ALAD: variants seen among roughly 807,000 people sequenced by gnomAD.
The protein encoded by ALAD is aminolevulinate dehydratase.
In ALAD, 20 loss-of-function variants were observed where a neutral mutation model predicts 44.4. The observed-to-expected ratio is 0.45, with a 90% CI of 0.32 to 0.65. ALAD has a LOEUF of 0.65. Among genes scored for constraint, ALAD ranks in the 30% least tolerant of loss-of-function variants. ALAD has a pLI of 0.05. For missense variants in ALAD, 323 were observed against 445.7 expected, an observed-to-expected ratio of 0.72 and a Z score of 2.48; for synonymous variants, 156 against 167.9, an observed-to-expected ratio of 0.93 and a Z score of 0.55.
At chr9:113,400,682 C>T (rs1217831829) in intron 1 of ALAD, among the ~76,000 whole-genome samples, 4 of 152,036 alleles carry the variant, frequency 2.6e-5, no homozygotes, top group Admixed American at 1.3e-4. Flanking sequence ...AATTAGCAGG[C>T]GTGGTGGCAC....
In ALAD at chr9:113,391,623, C is replaced by T. The variant is rs1412547508; in HGVS notation, c.165G>A (p.Arg55=). The change falls in exon 4 of 12, where the codon AGG becomes AGA. Residue 55 remains arginine (R), a splice_region_variant and synonymous_variant. Coordinates refer to ENST00000409155, the MANE Select transcript of ALAD (RefSeq NM_000031.6). ...TCTCTTCCAGCCGCTTCACACCATA[C>T]CTGTGTGGGTGTGGGTAGAGGGGTT... ...QPITSLPGVA[R]YGVKRLEEML... 1 of 1,610,284 alleles carries T rather than the reference C, an allele frequency of 6.2e-7. No homozygotes were observed. The highest frequency in any genetic ancestry group is 1.3e-5 in the African/African-American group (1 of 75,008).
chr9:113,393,731 T>C (rs1827659448), intron 1 of ALAD, 97 bp from the exon 2 acceptor site: 3 of 610,986 alleles, frequency 4.9e-6, no homozygotes, highest in Non-Finnish European at 8.9e-6. Context: ...GCCTCCCCTC[T>C]CTCTAGCCCA....
intron 3 of ALAD, 139 bp from the exon 4 acceptor site, chr9:113,391,762 G>A: frequency 1.4e-6 from 1 of 733,438 alleles, no homozygotes; most frequent in Non-Finnish European, 2.4e-6. Context: ...GGACAGAAGG[G>A]GCAGGGATGC....
At chr9:113,394,312 AG>A (rs1827671485) in intron 1 of ALAD, among the ~76,000 whole-genome samples, 1 of 149,012 alleles carries the variant, frequency 6.7e-6, no homozygotes, top group Non-Finnish European at 1.5e-5. Flanking sequence ...CTGAGGTGGC[AG>A]GATGGCTTGA....
Position 113,396,642 on chromosome 9 carries a change from G to A in ALAD, c.-75-3008C>T, listed in dbSNP as rs1702683834. The A allele has an allele frequency of 2.6e-5, 4 of 152,986 alleles. No homozygotes were observed. In the Admixed American group the frequency reaches 2.6e-4, roughly 10 times the overall value. 9.5% of individuals were successfully genotyped at this position (152,986 alleles called of 1,614,324 possible). ...AGTGGGTAGGGTTAGTGGCCTGGTT[G>A]ACACCTGGCTTTGGGAAGATCAATC... On this transcript the variant is annotated intron_variant, in intron 1 of 11. Coordinates refer to ENST00000409155, the MANE Select transcript of ALAD (RefSeq NM_000031.6).
At chr9:113,400,747 G>GATTCTC (rs1189216135) in intron 1 of ALAD, among the ~76,000 whole-genome samples, 1 of 152,158 alleles carries the variant, frequency 6.6e-6, no homozygotes, top group Non-Finnish European at 1.5e-5. Context: ...GCTTGAACCC[G>GATTCTC]GGAGGCGGAG....
At position 113,388,282 on chromosome 9, in the gene ALAD, G is replaced by A; in HGVS notation, c.*18C>T. The A allele has an allele frequency of 1.2e-6, 2 of 1,613,872 alleles. No homozygotes were observed. The highest frequency in any genetic ancestry group is 1.7e-6 in the Non-Finnish European group (2 of 1,179,832). On this transcript the variant is annotated 3_prime_UTR_variant, in exon 12 of 12. Transcript: ENST00000409155. ...GAACGTTTTAAAGTTCTAGTTCTTG[G>A]GCCTGGCACTGTCTCCATCATTCCT... is the stretch of plus-strand genomic sequence containing the variant.
At chr9:113,388,903 C>T (rs758754277) in intron 11 of ALAD, 74 bp downstream of exon 11, 116 of 1,608,246 alleles carry the variant, frequency 7.2e-5, no homozygotes, top group East Asian at 5.6e-4. Flanking sequence ...CTCAGGACGT[C>T]GTTCCCCAAT....
At chr9:113,390,321 A>C (rs906104516) in intron 7 of ALAD, 84 bp downstream of exon 7, 3 of 1,417,876 alleles carry the variant, frequency 2.1e-6, no homozygotes, top group Non-Finnish European at 3.0e-6. Flanking sequence ...CACGCCCGGC[A>C]GTTCTGTGAT....
chr9:113,400,864 C>A (rs1827835252), intron 1 of ALAD, among the ~76,000 whole-genome samples: 1 of 152,160 alleles, frequency 6.6e-6, no homozygotes, highest in African/African-American at 2.4e-5. Context: ...GGTCAATGCA[C>A]GCAACGCTTA....
intron 2 of ALAD, among the ~76,000 whole-genome samples, chr9:113,392,873 AGTG>A (rs1277101149): frequency 6.9e-6 from 1 of 145,710 alleles, no homozygotes; most frequent in Admixed American, 7.1e-5. Context: ...GCTGGAGTGA[AGTG>A]GTGCAATCTC....
chr9:113,395,018 T>A (rs939011437), intron 1 of ALAD, among the ~76,000 whole-genome samples: 2 of 150,878 alleles, frequency 1.3e-5, no homozygotes, highest in Non-Finnish European at 3.0e-5. Context: ...TAGCGCCACT[T>A]CACTCCAGCC....
rs890793250 is a variant in ALAD at position 113,387,350 on chromosome 9, C to T, written c.*950G>A. ...AAAGAGGTCAGGTCCTGGTGACCTC[C>T]TTCAGAGCACCTGTCACCACATCAC... is the stretch of plus-strand genomic sequence containing the variant. On this transcript the variant is annotated 3_prime_UTR_variant, in exon 12 of 12. Coordinates refer to ENST00000409155, the MANE Select transcript of ALAD (RefSeq NM_000031.6). 3 of 152,268 alleles carry T rather than the reference C, an allele frequency of 2.0e-5. No individual in the cohort carries two copies. In the South Asian group the frequency reaches 6.2e-4, roughly 31 times the overall value. 9.4% of individuals were successfully genotyped at this position (152,268 alleles called of 1,614,324 possible). A position where few individuals can be genotyped will look rare whatever the true frequency, so the allele number is the denominator to read the frequency against.
At chr9:113,394,596 G>GA (rs571754340) in intron 1 of ALAD, among the ~76,000 whole-genome samples, 6 of 145,116 alleles carry the variant, frequency 4.1e-5, no homozygotes, top group African/African-American at 1.3e-4. Context: ...ATTGGAAATA[G>GA]AAAAAAAAGA....
chr9:113,386,439 GCTAAGC>G lies in ALAD; in HGVS notation c.*1855_*1860del, dbSNP rs1827397734. On this transcript the variant is annotated 3_prime_UTR_variant, in exon 12 of 12. Coordinates refer to ENST00000409155, the MANE Select transcript of ALAD (RefSeq NM_000031.6). ...TCTGAGCATGTTTAAGGCAGGCTAG[GCTAAGC>G]TATGATGTTTGGTAGGTTAGGTATA... is the stretch of plus-strand genomic sequence containing the variant. The G allele has an allele frequency of 6.6e-6, 1 of 152,132 alleles. No individual in the cohort carries two copies. The highest frequency in any genetic ancestry group is 2.1e-4 in the South Asian group (1 of 4,818). The allele number at this position is 152,132 out of a possible 1,614,324, so 9.4% of individuals were successfully genotyped here.
chr9:113,391,673 G>C (rs748364562), intron 3 of ALAD, 50 bp from the exon 4 acceptor site: 9 of 1,465,016 alleles, frequency 6.1e-6, no homozygotes, highest in Non-Finnish European at 8.6e-6. Context: ...CCCAGGCAAC[G>C]GTCCTCCGGA....
At chr9:113,391,226 A>G (rs1188493338) in intron 4 of ALAD, among the ~76,000 whole-genome samples, 1 of 151,976 alleles carries the variant, frequency 6.6e-6, no homozygotes, top group Non-Finnish European at 1.5e-5. Context: ...TATTGGAGAC[A>G]GGGTCTTGCT....
At chr9:113,393,358 C>G in intron 2 of ALAD, 89 bp downstream of exon 2, 1 of 1,233,036 alleles carries the variant, frequency 8.1e-7, no homozygotes, top group African/African-American at 1.5e-5. Flanking sequence ...CACCCCCAGC[C>G]ATACTGATGC....
chr9:113,397,194 A>G (rs1218536119), intron 1 of ALAD: 1 of 152,204 alleles, frequency 6.6e-6, no homozygotes, highest in Non-Finnish European at 1.5e-5. Flanking sequence ...CACCTTTGTA[A>G]CAGGTCCTTG....
Sources: allele counts gnomAD v4.1 joint callset (sites outside exome capture counted in the v4.1 genomes callset), GRCh38; gene constraint gnomAD v4.1.1; transcripts MANE v1.5; gene names NCBI Gene and HGNC (gene_info 2026-07-23, HGNC 2026-07-21).